The following ANO1 variants were observed in gnomAD, a reference collection of about 807,000 sequenced individuals.
The protein encoded by ANO1 is anoctamin-1.
ANO1 carries 59 observed loss-of-function variants against 124.0 expected under a neutral mutation model. The ratio of observed to expected loss-of-function variants is 0.48; its 90% CI spans 0.39 to 0.59. The LOEUF (loss-of-function observed/expected upper bound fraction) is 0.59. Among genes scored for constraint, ANO1 ranks in the 20% least tolerant of loss-of-function variants. ANO1 has a pLI of 0.00. For synonymous variants in ANO1, 529 were observed against 532.0 expected, an observed-to-expected ratio of 0.99 and a Z score of 0.08; for missense variants, 1,059 against 1,328.0, an observed-to-expected ratio of 0.80 and a Z score of 3.15.
chr11:70,045,356 G>T (rs1857242714), intron 1 of ANO1, among the ~76,000 whole-genome samples: 1 of 152,204 alleles, frequency 6.6e-6, no homozygotes, highest in African/African-American at 2.4e-5. Flanking sequence ...TTCTGAAACT[G>T]CCATGATGCC....
At chr11:70,073,369 C>A (rs4536256), upstream of ANO1, among the ~76,000 whole-genome samples, 2 of 152,178 alleles carry the variant, frequency 1.3e-5, no homozygotes, top group African/African-American at 4.8e-5. Flanking sequence ...CAGGAGGGTG[C>A]GTCCGTCCGT....
chr11:69,975,940 C>T, the ANO1 span, among the ~76,000 whole-genome samples: 2 of 152,156 alleles, frequency 1.3e-5, no homozygotes, highest in Admixed American at 1.3e-4. Context: ...CCTCGGTGCC[C>T]CCAGCCCTGC....
chr11:70,002,461 CAAAA>C (rs56246522), intron 1 of ANO1, among the ~76,000 whole-genome samples: 2 of 94,956 alleles, frequency 2.1e-5, no homozygotes, highest in Non-Finnish European at 2.1e-5. Flanking sequence ...GAGACTCCAC[CAAAA>C]AAAAAAAAAA....
At chr11:70,092,918 C>T (rs1461210869) in intron 2 of ANO1, among the ~76,000 whole-genome samples, 1 of 152,140 alleles carries the variant, frequency 6.6e-6, no homozygotes, top group African/African-American at 2.4e-5. Flanking sequence ...GCCCAGAGAC[C>T]TCAGGACAGC....
chr11:70,186,963 A>G (rs2049152299), intron 25 of ANO1, among the ~76,000 whole-genome samples: 1 of 152,234 alleles, frequency 6.6e-6, no homozygotes, highest in African/African-American at 2.4e-5. Flanking sequence ...CCTTATCCCA[A>G]GGGAGCCCCG....
At chr11:70,011,728 T>G (rs2120354733) in intron 1 of ANO1, among the ~76,000 whole-genome samples, 1 of 152,282 alleles carries the variant, frequency 6.6e-6, no homozygotes, top group South Asian at 2.1e-4. Context: ...AAGTGTATTC[T>G]TAGATCATCC....
chr11:70,004,403 G>A (rs925389537), intron 1 of ANO1, among the ~76,000 whole-genome samples: 1 of 152,214 alleles, frequency 6.6e-6, no homozygotes, highest in Non-Finnish European at 1.5e-5. Context: ...CACTTTTACA[G>A]GGACCATCTC....
At chr11:69,970,214 A>T in the ANO1 span, among the ~76,000 whole-genome samples, 34 of 152,254 alleles carry the variant, frequency 2.2e-4, no homozygotes, top group African/African-American at 8.2e-4. Context: ...GACCCCAAAG[A>T]GGTGAGGCTC....
chr11:70,178,907 A>G lies in ANO1; in HGVS notation c.2351-1097A>G, dbSNP rs923065592. On this transcript the variant is annotated intron_variant, in intron 22 of 25. Coordinates refer to ENST00000355303, the MANE Select transcript of ANO1 (RefSeq NM_018043.7). ...TTGATGATGATTGTGACTGTGATCT[A>G]TCATTGAATTGACACTGGCTGGGGC... Among the ~76,000 whole-genome samples, 109 of 152,348 alleles carry G rather than the reference A, an allele frequency of 7.2e-4. 2 individuals carry two copies. The highest frequency in any genetic ancestry group is 2.5e-3 in the Admixed American group (38 of 15,310).
At chr11:70,124,492 C>A in intron 9 of ANO1, 78 bp downstream of exon 9, 3 of 1,444,760 alleles carry the variant, frequency 2.1e-6, no homozygotes, top group East Asian at 2.3e-5. Context: ...GGGTTTCAAC[C>A]GCTCTGAATG....
chr11:70,096,503 C>G (rs1165904774), intron 2 of ANO1, among the ~76,000 whole-genome samples: 1 of 152,146 alleles, frequency 6.6e-6, no homozygotes, highest in Non-Finnish European at 1.5e-5. Context: ...CTGTTATGAA[C>G]AGTGCATGCG....
At chr11:70,137,194 C>T (rs922041816) in intron 11 of ANO1, among the ~76,000 whole-genome samples, 1 of 147,012 alleles carries the variant, frequency 6.8e-6, no homozygotes, top group African/African-American at 2.4e-5. Context: ...CTGAAGCACA[C>T]GTGCCAGAGC....
chr11:70,031,556 T>A (rs898448811), intron 1 of ANO1, among the ~76,000 whole-genome samples: 9 of 152,156 alleles, frequency 5.9e-5, no homozygotes, highest in African/African-American at 1.9e-4. Context: ...GAGTTCAACC[T>A]TACTAGATTG....
At chr11:70,158,289 C>T (rs1489789719) in intron 16 of ANO1, among the ~76,000 whole-genome samples, 53 of 152,190 alleles carry the variant, frequency 3.5e-4, no homozygotes, top group Admixed American at 3.2e-3. Flanking sequence ...CCCAAGTACT[C>T]GGAGCCAGCC....
intron 1 of ANO1, among the ~76,000 whole-genome samples, chr11:70,013,782 A>C (rs1856644975): frequency 6.6e-6 from 1 of 152,130 alleles, no homozygotes; most frequent in African/African-American, 2.4e-5. Flanking sequence ...AGCCTGGGTG[A>C]CAGAGTGAGC....
At chr11:70,077,578 C>T (rs1272585158), upstream of ANO1, among the ~76,000 whole-genome samples, 1 of 152,158 alleles carries the variant, frequency 6.6e-6, no homozygotes, top group Non-Finnish European at 1.5e-5. Flanking sequence ...GCCACCATCC[C>T]CCCCGCTCCG....
At chr11:70,006,568 TTTC>T (rs1555000075) in intron 1 of ANO1, among the ~76,000 whole-genome samples, 1 of 109,380 alleles carries the variant, frequency 9.1e-6, no homozygotes. Flanking sequence ...CTTTCTTTTC[TTTC>T]TTTCTTTCTT....
chr11:70,044,907 G>C (rs781981443), intron 1 of ANO1, among the ~76,000 whole-genome samples: 1 of 152,178 alleles, frequency 6.6e-6, no homozygotes, highest in African/African-American at 2.4e-5. Flanking sequence ...TATTGGAACA[G>C]TGCATGAGAT....
At chr11:70,168,307 G>A (rs2048331461) in intron 21 of ANO1, among the ~76,000 whole-genome samples, 1 of 152,122 alleles carries the variant, frequency 6.6e-6, no homozygotes, top group Non-Finnish European at 1.5e-5. Flanking sequence ...TACCTGCATG[G>A]CTCACTCTCT....
Sources: gnomAD v4.1 joint callset for allele counts (sites outside exome capture counted in the v4.1 genomes callset) on GRCh38, gnomAD v4.1.1 for gene constraint, MANE v1.5 for transcripts, NCBI Gene and HGNC (gene_info 2026-07-23, HGNC 2026-07-21) for gene names.